Variants in CADM2 observed in about 807,000 individuals in gnomAD.
CADM2 encodes the protein cell adhesion molecule 2, also known as immunoglobulin superfamily member 4D.
CADM2 carries 12 observed loss-of-function variants against 49.8 expected under a neutral mutation model. The ratio of observed to expected loss-of-function variants is 0.24; its 90% CI spans 0.15 to 0.39. CADM2 has a LOEUF of 0.39. Among genes scored for constraint, CADM2 ranks in the 10% least tolerant of loss-of-function variants. CADM2 has a pLI of 1.00. For missense variants in CADM2, 378 were observed against 492.3 expected (o/e 0.77, Z 2.20); for synonymous variants, 214 against 175.4 (o/e 1.22, Z -1.74).
intron 1 of CADM2, among the ~76,000 whole-genome samples, chr3:84,967,933 AAC>A (rs1383778830): frequency 6.6e-6 from 1 of 152,052 alleles, no homozygotes; most frequent in Non-Finnish European, 1.5e-5. Flanking sequence ...CAGCCAGCCA[AAC>A]ACACAGAGAA....
chr3:85,384,954 G>C (rs554164356), intron 1 of CADM2, among the ~76,000 whole-genome samples: 23 of 151,782 alleles, frequency 1.5e-4, no homozygotes, highest in Admixed American at 1.4e-3. Context: ...TTATTTTCTT[G>C]AGATGGAGTC....
At chr3:85,125,163 G>T (rs908995251) in intron 1 of CADM2, among the ~76,000 whole-genome samples, 1 of 152,110 alleles carries the variant, frequency 6.6e-6, no homozygotes, top group Non-Finnish European at 1.5e-5. Context: ...TATGACTGTG[G>T]TTTTATTTTG....
chr3:85,576,702 G>T (rs7617323), intron 1 of CADM2, among the ~76,000 whole-genome samples: 81,313 of 151,864 alleles, frequency 0.54, 24,855 homozygotes, highest in East Asian at 0.93. Flanking sequence ...GCCAGCAGTC[G>T]TATTTCAAAT....
intron 7 of CADM2, among the ~76,000 whole-genome samples, chr3:85,950,027 C>G (rs987119248): frequency 8.6e-5 from 13 of 151,064 alleles, no homozygotes; most frequent in African/African-American, 3.2e-4. Flanking sequence ...AATGCACACT[C>G]ATAATTTTTT....
intron 1 of CADM2, among the ~76,000 whole-genome samples, chr3:85,278,890 G>C (rs1188659006): frequency 1.3e-5 from 2 of 151,358 alleles, no homozygotes; most frequent in East Asian, 3.9e-4. Flanking sequence ...AACAATTCTA[G>C]TTATGGAGTA....
chr3:85,915,867 A>G (rs1224664885), intron 6 of CADM2, among the ~76,000 whole-genome samples: 1 of 152,198 alleles, frequency 6.6e-6, no homozygotes, highest in African/African-American at 2.4e-5. Context: ...TCAAAAGAGT[A>G]AATATATATT....
rs977035622 is a variant in CADM2, at chr3:85,603,050, AC to A, written c.62-123471del. ...TGTCTTTCATATCTCTAATCATGTT[AC>A]TTTAAACACTGTGTTCATGTCCCTT... On this transcript the variant is annotated intron_variant, in intron 1 of 9. Coordinates refer to ENST00000383699, the MANE Select transcript of CADM2 (RefSeq NM_001167675.2). Among the ~76,000 whole-genome samples the A allele has an allele frequency of 3.9e-5, 6 of 151,944 alleles. No individual in the cohort carries two copies. The South Asian group carries it at 1.0e-3, about 26-fold the overall frequency.
intron 1 of CADM2, among the ~76,000 whole-genome samples, chr3:85,061,326 A>C (rs1049758255): frequency 6.6e-6 from 1 of 152,152 alleles, no homozygotes; most frequent in African/African-American, 2.4e-5. Flanking sequence ...AGTCCATGGC[A>C]AGGATGCATG....
chr3:85,368,079 C>T lies in CADM2; in HGVS notation c.62-358443C>T, dbSNP rs145972348. ...AAATTAATTTTGGTACTTTTTATGG[C>T]CCCTTAGCAAAGATATCTTTCCAAT... On this transcript the variant is annotated intron_variant, in intron 1 of 9. Transcript: ENST00000383699. Among the ~76,000 whole-genome samples the T allele has an allele frequency of 2.9e-3, 437 of 152,076 alleles. 1 individual carries two copies. Among genetic ancestry groups the T allele is most frequent in the African/African-American group, 0.01 (425 of 41,500 alleles).
At chr3:85,900,964 A>G (rs955070416) in intron 5 of CADM2, among the ~76,000 whole-genome samples, 1 of 152,202 alleles carries the variant, frequency 6.6e-6, no homozygotes, top group Admixed American at 6.5e-5. Context: ...TGCATAAGAT[A>G]TTTTACAAAA....
At chr3:85,440,496 A>G (rs140926543) in intron 1 of CADM2, among the ~76,000 whole-genome samples, 1 of 152,272 alleles carries the variant, frequency 6.6e-6, no homozygotes, top group East Asian at 1.9e-4. Flanking sequence ...TGTAACAAAT[A>G]CACTACGAGG....
chr3:85,449,083 A>ATAATAATAATAATTATT (rs59973385), intron 1 of CADM2, among the ~76,000 whole-genome samples: 2 of 148,230 alleles, frequency 1.3e-5, no homozygotes, highest in Non-Finnish European at 3.0e-5. Context: ...TAATGATAAA[A>ATAATAATAATAATTATT]ATTATATAAT....
At chr3:85,467,943 A>T (rs371518273) in intron 1 of CADM2, among the ~76,000 whole-genome samples, 12 of 152,030 alleles carry the variant, frequency 7.9e-5, no homozygotes, top group African/African-American at 2.9e-4. Flanking sequence ...TCACGAGGTC[A>T]GGAGATCGAG....
At chr3:85,513,150 G>A (rs2060811141) in intron 1 of CADM2, among the ~76,000 whole-genome samples, 2 of 151,904 alleles carry the variant, frequency 1.3e-5, no homozygotes, top group African/African-American at 4.8e-5. Context: ...TAAGTTGGAG[G>A]CCATGAGAAT....
intron 1 of CADM2, among the ~76,000 whole-genome samples, chr3:85,193,830 A>C (rs568737971): frequency 6.6e-6 from 1 of 152,250 alleles, no homozygotes; most frequent in East Asian, 1.9e-4. Flanking sequence ...CATGCATTCA[A>C]CAAATGTATG....
intron 8 of CADM2, among the ~76,000 whole-genome samples, chr3:86,024,656 C>T (rs1338680105): frequency 6.6e-6 from 1 of 152,036 alleles, no homozygotes; most frequent in East Asian, 1.9e-4. Flanking sequence ...TTGGCTTTAC[C>T]AGATACCAGC....
At chr3:85,987,121 C>CT (rs987680515) in intron 8 of CADM2, among the ~76,000 whole-genome samples, 72 of 152,018 alleles carry the variant, frequency 4.7e-4, no homozygotes, top group African/African-American at 1.7e-3. Context: ...ATTTGAAAAT[C>CT]TTTAAGTATT....
At chr3:85,435,201 G>T (rs931455595) in intron 1 of CADM2, among the ~76,000 whole-genome samples, 7 of 151,862 alleles carry the variant, frequency 4.6e-5, no homozygotes, top group African/African-American at 1.5e-4. Context: ...CCCAGTGTGT[G>T]ATGTTCCTCT....
At chr3:85,134,159 G>C (rs1021564201) in intron 1 of CADM2, among the ~76,000 whole-genome samples, 7 of 152,332 alleles carry the variant, frequency 4.6e-5, no homozygotes, top group Admixed American at 3.3e-4. Flanking sequence ...CTCTGAGTGC[G>C]GGGTCCGCCA....
Sources: allele counts gnomAD v4.1 joint callset (sites outside exome capture counted in the v4.1 genomes callset), GRCh38; gene constraint gnomAD v4.1.1; transcripts MANE v1.5; gene names NCBI Gene and HGNC (gene_info 2026-07-23, HGNC 2026-07-21).